The following PCDH15 variants were observed in gnomAD, a reference collection of about 807,000 sequenced individuals.
The protein encoded by PCDH15 is protocadherin-15.
A neutral mutation model predicts 178.5 loss-of-function variants in PCDH15; 129 were observed. That is an observed-to-expected ratio of 0.72 (90% confidence interval 0.63 to 0.84). The LOEUF (loss-of-function observed/expected upper bound fraction) is 0.84. Ranked by LOEUF, PCDH15 falls within the 40% of genes least tolerant of loss-of-function variation. The pLI, the probability that PCDH15 is intolerant of heterozygous loss-of-function variation, is 0.00. For synonymous variants in PCDH15, 800 were observed against 732.0 expected (o/e 1.09, Z -1.50); for missense variants, 2,230 against 2,099.9 (o/e 1.06, Z -1.21).
intron 2 of PCDH15, among the ~76,000 whole-genome samples, chr10:54,640,580 C>G (rs2093965769): frequency 6.6e-6 from 1 of 152,008 alleles, no homozygotes; most frequent in Non-Finnish European, 1.5e-5. Context: ...TTTACTGAAA[C>G]ATTTTTATGA....
intron 2 of PCDH15, among the ~76,000 whole-genome samples, chr10:54,561,888 C>T (rs1286652370): frequency 3.3e-5 from 5 of 150,300 alleles, no homozygotes; most frequent in African/African-American, 7.3e-5. Context: ...TTCACCATGT[C>T]AGCCAGGATG....
intron 3 of PCDH15, among the ~76,000 whole-genome samples, chr10:54,895,300 A>T (rs1309470086): frequency 1.3e-5 from 2 of 152,114 alleles, no homozygotes; most frequent in African/African-American, 4.8e-5. Flanking sequence ...ACTTCTACAG[A>T]TCATTCCTAG....
At chr10:54,880,197 G>A (rs1172705100) in intron 3 of PCDH15, among the ~76,000 whole-genome samples, 3 of 151,992 alleles carry the variant, frequency 2.0e-5, no homozygotes, top group Non-Finnish European at 2.9e-5. Flanking sequence ...GATTTCCTTG[G>A]CTTCCTTAAG....
At chr10:54,200,222 G>A (rs1372149281) in intron 10 of PCDH15, among the ~76,000 whole-genome samples, 2 of 141,552 alleles carry the variant, frequency 1.4e-5, no homozygotes, top group Non-Finnish European at 3.1e-5. Flanking sequence ...ATAGAAGAAA[G>A]AAATCATGTT....
intron 2 of PCDH15, among the ~76,000 whole-genome samples, chr10:54,622,615 T>TA (rs1383175825): frequency 1.0e-5 from 1 of 99,912 alleles, no homozygotes; most frequent in African/African-American, 4.1e-5. Flanking sequence ...TATAATTATA[T>TA]ATAATATATA....
chr10:55,523,804 T>C (rs1308926146), intron 2 of PCDH15, among the ~76,000 whole-genome samples: 1 of 151,596 alleles, frequency 6.6e-6, no homozygotes, highest in East Asian at 1.9e-4. Flanking sequence ...TATACACTAG[T>C]CTCTATTGTA....
intron 1 of PCDH15, among the ~76,000 whole-genome samples, chr10:55,252,969 T>G (rs969788927): frequency 9.2e-5 from 14 of 152,154 alleles, no homozygotes; most frequent in Non-Finnish European, 2.1e-4. Context: ...AAAATAAATT[T>G]TTGTCCAATC....
chr10:53,960,555 T>G (rs763438913), intron 22 of PCDH15, among the ~76,000 whole-genome samples: 15 of 152,214 alleles, frequency 9.9e-5, no homozygotes, highest in Non-Finnish European at 1.8e-4. Context: ...ATAACCTACA[T>G]TACATCAAAG....
intron 2 of PCDH15, among the ~76,000 whole-genome samples, chr10:55,533,632 C>A (rs1841507186): frequency 1.3e-5 from 2 of 151,794 alleles, no homozygotes; most frequent in Non-Finnish European, 2.9e-5. Context: ...AAATAAGTAT[C>A]ATTAAAATGA....
At chr10:54,939,340 A>C (rs930351685) in intron 2 of PCDH15, among the ~76,000 whole-genome samples, 10 of 150,580 alleles carry the variant, frequency 6.6e-5, no homozygotes, top group Non-Finnish European at 1.2e-4. Flanking sequence ...TAAAAAAAAC[A>C]AAAAATTAGC....
intron 2 of PCDH15, among the ~76,000 whole-genome samples, chr10:55,354,375 A>G (rs1431250296): frequency 1.3e-5 from 2 of 152,104 alleles, no homozygotes; most frequent in African/African-American, 4.8e-5. Flanking sequence ...ATAGGGCACA[A>G]TCGGACTTAA....
At chr10:54,561,172 C>T (rs1281590390) in intron 2 of PCDH15, among the ~76,000 whole-genome samples, 2 of 151,960 alleles carry the variant, frequency 1.3e-5, no homozygotes, top group Admixed American at 6.6e-5. Context: ...ATGCCTGTTA[C>T]GACACATCCC....
intron 2 of PCDH15, among the ~76,000 whole-genome samples, chr10:55,044,214 G>A (rs1180505389): frequency 6.6e-6 from 1 of 152,082 alleles, no homozygotes; most frequent in African/African-American, 2.4e-5. Flanking sequence ...CCGTTGCAGA[G>A]TTACTAGAAA....
At chr10:54,394,667 G>C (rs1419211343) in intron 3 of PCDH15, among the ~76,000 whole-genome samples, 1 of 152,092 alleles carries the variant, frequency 6.6e-6, no homozygotes, top group Non-Finnish European at 1.5e-5. Context: ...AGGAGACAGG[G>C]TTTTGAGATC....
rs10647110 is a variant in PCDH15, at chr10:55,459,241, A to AAAAAAAAAAAAAAG, written c.-156+168383_-156+168384insCTTTTTTTTTTTTT. On this transcript the variant is annotated intron_variant, in intron 2 of 5. Coordinates refer to the PCDH15 transcript ENST00000613346. ...CGAGTGTCCTTGGAGGCAAAAAAAA[A>AAAAAAAAAAAAAAG]AAAGAAGGAAAGAAAAAAATAAATC... Among the ~76,000 whole-genome samples the AAAAAAAAAAAAAAG allele has an allele frequency of 3.6e-4, 48 of 134,214 alleles. 1 individual carries two copies. Among genetic ancestry groups the AAAAAAAAAAAAAAG allele is most frequent in the Middle Eastern group, 3.6e-3 (1 of 274 alleles). The allele number at this position is 134,214 out of a possible 152,430, so 88.0% of individuals were successfully genotyped here. A position where few individuals can be genotyped will look rare whatever the true frequency, so the allele number is the denominator to read the frequency against.
At chr10:55,320,480 C>T (rs1436437325), upstream of PCDH15, among the ~76,000 whole-genome samples, 2 of 152,170 alleles carry the variant, frequency 1.3e-5, no homozygotes, top group East Asian at 3.9e-4. Context: ...CACTGCTGGC[C>T]TGTGTAAAAG....
chr10:54,834,061 G>A (rs941779693), intron 3 of PCDH15, among the ~76,000 whole-genome samples: 1 of 152,118 alleles, frequency 6.6e-6, no homozygotes, highest in African/African-American at 2.4e-5. Context: ...CAACTGCTTA[G>A]TCTTAATTTC....
At chr10:54,213,434 G>GA (rs2051662875) in intron 10 of PCDH15, among the ~76,000 whole-genome samples, 1 of 152,012 alleles carries the variant, frequency 6.6e-6, no homozygotes, top group African/African-American at 2.4e-5. Context: ...TCAATATAAA[G>GA]AAAATAATGA....
chr10:54,722,286 A>G (rs1566038645), intron 1 of PCDH15, among the ~76,000 whole-genome samples: 1 of 151,638 alleles, frequency 6.6e-6, no homozygotes, highest in Non-Finnish European at 1.5e-5. Flanking sequence ...GTTGAAAACA[A>G]TCTCCATAAG....
Sources: gnomAD v4.1 joint callset for allele counts (sites outside exome capture counted in the v4.1 genomes callset) on GRCh38, gnomAD v4.1.1 for gene constraint, MANE v1.5 for transcripts, NCBI Gene and HGNC (gene_info 2026-07-23, HGNC 2026-07-21) for gene names.